The following TRPM4 variants were observed in gnomAD, a reference collection of about 807,000 sequenced individuals.
The protein encoded by TRPM4 is calcium-activated non-selective cation channel 1.
Under a neutral mutation model 135.6 loss-of-function variants are expected in TRPM4, and 124 were observed. The ratio of observed to expected loss-of-function variants is 0.91; its 90% CI spans 0.79 to 1.06. The LOEUF (loss-of-function observed/expected upper bound fraction) is 1.06, where lower values mean the gene tolerates loss of function less well. TRPM4 is among the 50% of genes least tolerant of loss of function. The pLI is 0.00. For synonymous variants in TRPM4, 745 were observed against 705.6 expected (o/e 1.06, Z -0.88); for missense variants, 1,658 against 1,671.4 (o/e 0.99, Z 0.14).
In TRPM4 at chr19:49,185,424, A is replaced by C. The variant is rs376714497; in HGVS notation, c.1743+2212A>C. On this transcript the variant is annotated intron_variant, in intron 12 of 24. Coordinates refer to ENST00000252826, the MANE Select transcript of TRPM4 (RefSeq NM_017636.4). ...GCCAAGCTAATTTTAAAAAATTTGCAGAGATGGGGTCTTACTATGTTGCCC... is the reference window on the plus strand; with the variant it reads ...GCCAAGCTAATTTTAAAAAATTTGCCGAGATGGGGTCTTACTATGTTGCCC... 2.6e-5 allele frequency among the ~76,000 whole-genome samples: 4 copies of C among 152,114 alleles called. No individual in the cohort carries two copies. In the East Asian group the frequency reaches 7.7e-4, roughly 29 times the overall value.
chr19:49,188,555 C>G, intron 12 of TRPM4, 86 bp from the exon 13 acceptor site: 1 of 1,598,468 alleles, frequency 6.3e-7, no homozygotes, highest in Non-Finnish European at 8.6e-7. Flanking sequence ...TTTCTGACCT[C>G]TGACTCTGTT....
intron 17 of TRPM4, among the ~76,000 whole-genome samples, chr19:49,198,015 A>T (rs1456896522): frequency 3.9e-5 from 6 of 152,104 alleles, no homozygotes; most frequent in African/African-American, 1.4e-4. Context: ...TTTACAAGGG[A>T]CCTGACACAT....
intron 20 of TRPM4, among the ~76,000 whole-genome samples, chr19:49,203,683 G>A (rs1255710322): frequency 1.3e-5 from 2 of 152,152 alleles, no homozygotes; most frequent in African/African-American, 2.4e-5. Flanking sequence ...ATTTAGTCTA[G>A]ATGTTTCATG....
intron 10 of TRPM4, 22 bp downstream of exon 10, chr19:49,181,483 G>A: frequency 1.9e-6 from 3 of 1,554,924 alleles, no homozygotes; most frequent in Non-Finnish European, 2.7e-6. Flanking sequence ...GGGCCTGGGG[G>A]TTGGGCATAC....
At chr19:49,203,372 G>C (rs904922855) in intron 20 of TRPM4, among the ~76,000 whole-genome samples, 2 of 142,588 alleles carry the variant, frequency 1.4e-5, no homozygotes, top group Non-Finnish European at 3.1e-5. Context: ...GTAGAGATGG[G>C]GTTTCACCGT....
intron 12 of TRPM4, among the ~76,000 whole-genome samples, chr19:49,186,230 G>A (rs1279181744): frequency 6.6e-6 from 1 of 152,102 alleles, no homozygotes; most frequent in Non-Finnish European, 1.5e-5. Context: ...GGGATTAGAG[G>A]CATGAGCGAC....
rs778541479 is a variant in TRPM4, at chr19:49,210,345, A to G, written c.3268A>G (p.Arg1090Gly). ...IVISHLRLLL[R>G]QLCRRPRSPQ... ...CATCTCCCACTTGCGCCTCCTGCTC[A>G]GGCAATTGTGCAGGCGACCCCGGAG... The change falls in exon 21 of 25, where the codon AGG (arginine) becomes GGG (glycine). Residue 1090 changes from arginine (R) to glycine (G), a missense_variant. Around this residue, in one of 3 missense-constraint regions of TRPM4, gnomAD observed 1,412 missense variants for 1,408.7 expected, o/e 1.00. Coordinates refer to ENST00000252826, the MANE Select transcript of TRPM4 (RefSeq NM_017636.4). This position sits in a 1 kb window ranked among gnomAD's most constrained non-coding sequence, Gnocchi z 4.1. 3 of 1,614,014 alleles carry G rather than the reference A, an allele frequency of 1.9e-6. No homozygotes were observed. The highest frequency in any genetic ancestry group is 3.3e-5 in the Admixed American group (2 of 59,994).
At chr19:49,165,372 G>A (rs1362498613) in intron 2 of TRPM4, among the ~76,000 whole-genome samples, 2 of 152,166 alleles carry the variant, frequency 1.3e-5, no homozygotes, top group Non-Finnish European at 2.9e-5. Context: ...GCACCCGGCT[G>A]AGCCTCTCTC....
At chr19:49,190,349 G>T in intron 15 of TRPM4, 29 bp downstream of exon 15, 1 of 1,598,320 alleles carries the variant, frequency 6.3e-7, no homozygotes, top group African/African-American at 1.3e-5. Context: ...GAGTGGTGGG[G>T]ATGGGGGCGG....
intron 14 of TRPM4, 93 bp from the exon 15 acceptor site, chr19:49,190,115 T>C (rs1452926870): frequency 1.9e-6 from 2 of 1,042,416 alleles, no homozygotes; most frequent in African/African-American, 3.1e-5. Flanking sequence ...GCACTTGCTC[T>C]GTACTCTGGA....
chr19:49,171,977 G>A lies in TRPM4; in HGVS notation c.1051-32G>A, dbSNP rs749335357. On this transcript the variant is annotated intron_variant, in intron 8 of 24. Transcript: ENST00000252826. This position sits in a 1 kb window ranked among gnomAD's most constrained non-coding sequence, Gnocchi z 4.7. ...CCCAACAGGAGTTGGGGATGGAGGCGGGCTAGGGATGCAGAACTGGCTATT... is the reference window on the plus strand; with the variant it reads ...CCCAACAGGAGTTGGGGATGGAGGCAGGCTAGGGATGCAGAACTGGCTATT... 9.5e-6 allele frequency: 15 copies of A among 1,581,402 alleles called. No individual in the cohort carries two copies. The highest frequency in any genetic ancestry group is 4.5e-5 in the East Asian group (2 of 44,744).
chr19:49,182,997 C>A, intron 11 of TRPM4, 75 bp downstream of exon 11: 2 of 1,599,272 alleles, frequency 1.3e-6, no homozygotes, highest in Non-Finnish European at 1.7e-6. Context: ...AGGGATGGGG[C>A]GTGGCCAAAC....
intron 9 of TRPM4, among the ~76,000 whole-genome samples, chr19:49,178,628 A>T (rs1967792477): frequency 6.6e-6 from 1 of 152,068 alleles, no homozygotes. Context: ...TTTGAGGGCT[A>T]GATGCTGAGT....
rs1366883222 is a variant in TRPM4, at chr19:49,168,771, C to T, written c.796+35C>T. 3.8e-6 allele frequency: 6 copies of T among 1,562,318 alleles called. No homozygotes were observed. The Admixed American group carries it at 1.1e-4, about 30-fold the overall frequency. On this transcript the variant is annotated intron_variant, in intron 6 of 24. Coordinates refer to ENST00000252826, the MANE Select transcript of TRPM4 (RefSeq NM_017636.4). Reference sequence around the variant, plus strand: ...CGAACCCATGACCCACAACCCACGACCCACAACCTGCAACCCCAGCGCTCA... The same window carrying T: ...CGAACCCATGACCCACAACCCACGATCCACAACCTGCAACCCCAGCGCTCA...
chr19:49,206,332 A>T (rs1002927050), intron 20 of TRPM4, among the ~76,000 whole-genome samples: 1 of 152,124 alleles, frequency 6.6e-6, no homozygotes, highest in African/African-American at 2.4e-5. Flanking sequence ...GTTATTTTTC[A>T]AGATTGTTTT....
In TRPM4 at chr19:49,171,865, C is replaced by A; in HGVS notation, c.1050+96C>A. ...AGGGAGGAGGGGCTGGGGGCCTGGA[C>A]TTCCAGGTTCCGGGAGAAGAGGGTG... is the stretch of plus-strand genomic sequence containing the variant. On this transcript the variant is annotated intron_variant, in intron 8 of 24. Coordinates refer to ENST00000252826, the MANE Select transcript of TRPM4 (RefSeq NM_017636.4). The surrounding 1 kb of genome is among the most constrained non-coding windows in gnomAD (Gnocchi z 4.7). 2.1e-6 allele frequency: 3 copies of A among 1,447,522 alleles called. No homozygotes were observed. Among genetic ancestry groups the A allele is most frequent in the African/African-American group, 1.4e-5 (1 of 71,354 alleles). The allele number at this position is 1,447,522 out of a possible 1,614,324, so 89.7% of individuals were successfully genotyped here.
chr19:49,207,667 A>T (rs984072647), intron 20 of TRPM4, among the ~76,000 whole-genome samples: 1 of 144,686 alleles, frequency 6.9e-6, no homozygotes, highest in Non-Finnish European at 1.5e-5. Context: ...AAAGCCATGC[A>T]TGGTGGCTCA....
intron 12 of TRPM4, among the ~76,000 whole-genome samples, chr19:49,185,249 G>A (rs552621177): frequency 6.6e-6 from 1 of 151,082 alleles, no homozygotes. Flanking sequence ...TTTATTTGTT[G>A]TTCTTGTTGT....
intron 9 of TRPM4, among the ~76,000 whole-genome samples, chr19:49,180,428 C>CTG (rs71919979): frequency 0.091 from 11,996 of 131,150 alleles, 623 homozygotes; most frequent in Middle Eastern, 0.13. Context: ...TCATCATCTG[C>CTG]TGTGTGTGTG....
Sources: allele counts gnomAD v4.1 joint callset (sites outside exome capture counted in the v4.1 genomes callset), GRCh38; gene constraint gnomAD v4.1.1; regional missense constraint gnomAD v4.1.1; non-coding constraint Gnocchi (gnomAD v3.1); transcripts MANE v1.5; gene names NCBI Gene and HGNC (gene_info 2026-07-23, HGNC 2026-07-21).